PCDHGA2: variants seen among roughly 807,000 people sequenced by gnomAD.
PCDHGA2 encodes protocadherin gamma-A2.
PCDHGA2 carries 40 observed loss-of-function variants against 59.2 expected under a neutral mutation model. That is an observed-to-expected ratio of 0.68 (90% CI 0.52 to 0.88). PCDHGA2 has a LOEUF of 0.88. Ranked by LOEUF, PCDHGA2 falls within the 40% of genes least tolerant of loss-of-function variation. PCDHGA2 has a pLI of 0.00. For missense variants in PCDHGA2, 1,226 were observed against 1,204.0 expected (o/e 1.02, Z -0.27); for synonymous variants, 560 against 526.0 (o/e 1.06, Z -0.89).
chr5:141,501,425 G>A (rs1444899306), intron 2 of PCDHGA2, among the ~76,000 whole-genome samples: 1 of 151,726 alleles, frequency 6.6e-6, no homozygotes, highest in Non-Finnish European at 1.5e-5. Flanking sequence ...TTGACTAAAT[G>A]TAGTCCATTT....
At chr5:141,360,192 C>T in intron 1 of PCDHGA2, 1 of 1,611,916 alleles carries the variant, frequency 6.2e-7, no homozygotes, top group Non-Finnish European at 8.5e-7. Flanking sequence ...TACTGTTGCC[C>T]TTCCTGTTGT....
chr5:141,395,750 G>C (rs1308444906), intron 1 of PCDHGA2: 3 of 152,888 alleles, frequency 2.0e-5, no homozygotes, highest in African/African-American at 7.3e-5. Flanking sequence ...TCTTTTCTGA[G>C]CCCTGTTTCT....
chr5:141,394,561 A>ACCTGCGGAGCTACCT, intron 1 of PCDHGA2: 2 of 1,613,954 alleles, frequency 1.2e-6, no homozygotes, highest in Non-Finnish European at 1.7e-6. Context: ...CGCTCCGCAG[A>ACCTGCGGAGCTACCT]GCGTGGCTAC....
chr5:141,410,589 A>G (rs2095410065), intron 1 of PCDHGA2: 1 of 1,609,086 alleles, frequency 6.2e-7, no homozygotes, highest in Non-Finnish European at 8.5e-7. Flanking sequence ...GGTGGGGAGG[A>G]TTTGACTTCA....
chr5:141,346,632 G>T (rs1426424420), intron 1 of PCDHGA2: 3 of 975,258 alleles, frequency 3.1e-6, no homozygotes, highest in Non-Finnish European at 4.5e-6. Context: ...CCCCGGTCTG[G>T]TTATGGTTGA....
intron 1 of PCDHGA2, chr5:141,413,714 A>T: frequency 6.2e-7 from 1 of 1,613,586 alleles, no homozygotes; most frequent in Non-Finnish European, 8.5e-7. Flanking sequence ...AGCCCCAATA[A>T]GCACTTCTCC....
At position 141,432,360 on chromosome 5, in the gene PCDHGA2, C is replaced by T; in HGVS notation, c.2425-62447C>T. On this transcript the variant is annotated intron_variant, in intron 1 of 3. Transcript: ENST00000394576. This position sits in a 1 kb window ranked among gnomAD's most constrained non-coding sequence, Gnocchi z 6.0. Reference sequence around the variant, plus strand: ...CGAGACTTGCAAGTGAAAGTGATGGCGCGGGACAACGGGCACCCGCCCCTC... The same window carrying T: ...CGAGACTTGCAAGTGAAAGTGATGGTGCGGGACAACGGGCACCCGCCCCTC... 1.9e-6 allele frequency: 3 copies of T among 1,614,228 alleles called. No individual in the cohort carries two copies. The highest frequency in any genetic ancestry group is 1.1e-5 in the South Asian group (1 of 91,088).
intron 1 of PCDHGA2, chr5:141,421,745 T>C: frequency 6.2e-7 from 1 of 1,613,950 alleles, no homozygotes; most frequent in Non-Finnish European, 8.5e-7. Flanking sequence ...AGCTACCAGC[T>C]CAGCCCTAAT....
chr5:141,489,229 G>C lies in PCDHGA2; in HGVS notation c.2425-5578G>C. The C allele has an allele frequency of 6.6e-7, 1 of 1,522,252 alleles. No homozygotes were observed. Among genetic ancestry groups the C allele is most frequent in the Non-Finnish European group, 8.8e-7 (1 of 1,133,810 alleles). The allele number at this position is 1,522,252 out of a possible 1,614,324, so 94.3% of individuals were successfully genotyped here. On this transcript the variant is annotated intron_variant, in intron 1 of 3. Coordinates refer to ENST00000394576, the MANE Select transcript of PCDHGA2 (RefSeq NM_018915.4). This position sits in a 1 kb window ranked among gnomAD's most constrained non-coding sequence, Gnocchi z 4.5. ...AGCACAGACTTACTCTCCACAAAGG[G>C]ACTTCTGGGTCATGGGGCCCAAGAC...
chr5:141,377,529 G>A (rs1774089651), intron 1 of PCDHGA2: 1 of 151,890 alleles, frequency 6.6e-6, no homozygotes, highest in African/African-American at 2.4e-5. Flanking sequence ...CCAGGGGTAT[G>A]AGGCTGCAGT....
intron 1 of PCDHGA2, among the ~76,000 whole-genome samples, chr5:141,387,483 C>G (rs771352001): frequency 6.6e-6 from 1 of 152,204 alleles, no homozygotes; most frequent in Non-Finnish European, 1.5e-5. Flanking sequence ...GGGATGAAGG[C>G]ATTCCTAAGA....
intron 1 of PCDHGA2, chr5:141,361,323 T>G (rs1451101263): frequency 6.2e-7 from 1 of 1,613,880 alleles, no homozygotes; most frequent in Non-Finnish European, 8.5e-7. Context: ...TTTTGAAATC[T>G]TCCTCAAAGA....
chr5:141,448,329 A>T (rs1166759766), intron 1 of PCDHGA2, among the ~76,000 whole-genome samples: 1 of 152,146 alleles, frequency 6.6e-6, no homozygotes, highest in Non-Finnish European at 1.5e-5. Context: ...TTGAATCTTT[A>T]TAGCCATGTA....
intron 1 of PCDHGA2, chr5:141,389,758 G>A: frequency 1.2e-6 from 2 of 1,612,792 alleles, no homozygotes; most frequent in Non-Finnish European, 1.7e-6. Flanking sequence ...GGCGAAGTGC[G>A]CACAGCGCGT....
At chr5:141,364,554 T>G in intron 1 of PCDHGA2, 1 of 1,614,122 alleles carries the variant, frequency 6.2e-7, no homozygotes. Flanking sequence ...ACGCAGCTTT[T>G]TGCCCTGAAC....
chr5:141,422,594 C>G, intron 1 of PCDHGA2: 1 of 1,614,090 alleles, frequency 6.2e-7, no homozygotes, highest in Non-Finnish European at 8.5e-7. Flanking sequence ...TTTCCTCACT[C>G]CTCTTACTCT....
intron 1 of PCDHGA2, chr5:141,364,297 C>A: frequency 6.6e-7 from 1 of 1,520,028 alleles, no homozygotes; most frequent in Non-Finnish European, 8.8e-7. Context: ...CAGGCTGAAC[C>A]AGAACTAAGA....
intron 1 of PCDHGA2, chr5:141,350,349 A>C (rs761366858): frequency 6.4e-7 from 1 of 1,559,220 alleles, no homozygotes; most frequent in Non-Finnish European, 8.7e-7. Context: ...ATCTCCCAGC[A>C]GATCCGATAC....
chr5:141,360,870 C>A (rs972403699), intron 1 of PCDHGA2: 24 of 1,613,872 alleles, frequency 1.5e-5, no homozygotes, highest in African/African-American at 2.7e-5. Flanking sequence ...TCAGCCAGGA[C>A]GTGTACAGGG....
Sources: allele counts gnomAD v4.1 joint callset (sites outside exome capture counted in the v4.1 genomes callset), GRCh38; gene constraint gnomAD v4.1.1; non-coding constraint Gnocchi (gnomAD v3.1); transcripts MANE v1.5; gene names NCBI Gene and HGNC (gene_info 2026-07-23, HGNC 2026-07-21).